Variants in PTPRD observed in about 807,000 individuals in gnomAD.
The protein encoded by PTPRD is receptor-type tyrosine-protein phosphatase delta.
Under a neutral mutation model 214.5 loss-of-function variants are expected in PTPRD, and 34 were observed. That is an observed-to-expected ratio of 0.16 (90% CI 0.12 to 0.21). The LOEUF (loss-of-function observed/expected upper bound fraction) is 0.21. PTPRD is among the 10% of genes least tolerant of loss of function. The pLI is 1.00. For synonymous variants in PTPRD, 1,128 were observed against 845.7 expected, an observed-to-expected ratio of 1.33 and a Z score of -5.79; for missense variants, 2,545 against 2,398.7, an observed-to-expected ratio of 1.06 and a Z score of -1.27.
intron 14 of PTPRD, among the ~76,000 whole-genome samples, chr9:8,572,145 TTC>T (rs2091317074): frequency 6.6e-6 from 1 of 152,104 alleles, no homozygotes; most frequent in Non-Finnish European, 1.5e-5. Context: ...AATAGGCAAG[TTC>T]TGAGTGTCAG....
intron 5 of PTPRD, among the ~76,000 whole-genome samples, chr9:9,807,474 G>T (rs1438409792): frequency 1.3e-5 from 2 of 152,094 alleles, no homozygotes; most frequent in African/African-American, 2.4e-5. Context: ...CAGAGAAAAG[G>T]CAATAGTAGT....
At chr9:8,395,044 G>GTCTT (rs2135952394) in intron 36 of PTPRD, among the ~76,000 whole-genome samples, 1 of 152,206 alleles carries the variant, frequency 6.6e-6, no homozygotes, top group Admixed American at 6.6e-5. Context: ...TCAGCTGAGC[G>GTCTT]TCTTACCCTG....
At chr9:9,307,613 C>A (rs1332894541) in intron 9 of PTPRD, among the ~76,000 whole-genome samples, 1 of 152,136 alleles carries the variant, frequency 6.6e-6, no homozygotes, top group East Asian at 1.9e-4. Context: ...CCCATTATTT[C>A]TTGACTACCC....
At chr9:9,441,270 T>C (rs530755681) in intron 8 of PTPRD, among the ~76,000 whole-genome samples, 27 of 152,260 alleles carry the variant, frequency 1.8e-4, no homozygotes, top group African/African-American at 6.3e-4. Context: ...CACCAGTTTC[T>C]AAGGCAGTGA....
chr9:8,345,440 C>T (rs748006338), intron 39 of PTPRD, among the ~76,000 whole-genome samples: 11 of 152,058 alleles, frequency 7.2e-5, no homozygotes, highest in South Asian at 4.1e-4. Context: ...GGTGACTTTC[C>T]TGTAGAGCGC....
At chr9:9,726,663 A>G (rs2098098201) in intron 7 of PTPRD, among the ~76,000 whole-genome samples, 1 of 152,224 alleles carries the variant, frequency 6.6e-6, no homozygotes, top group African/African-American at 2.4e-5. Flanking sequence ...ACTAGAAAAT[A>G]GAAATAATAT....
intron 5 of PTPRD, among the ~76,000 whole-genome samples, chr9:9,798,976 T>C (rs559255441): frequency 1.2e-4 from 18 of 152,322 alleles, no homozygotes; most frequent in Non-Finnish European, 1.2e-4. Flanking sequence ...TTTTGAAAGT[T>C]GGGACATTTT....
chr9:10,379,152 T>C (rs1055114400), intron 2 of PTPRD, among the ~76,000 whole-genome samples: 2 of 151,954 alleles, frequency 1.3e-5, no homozygotes, highest in African/African-American at 4.8e-5. Context: ...CTACTGATTT[T>C]TTTTAATTTT....
chr9:9,083,185 T>C (rs779952447), intron 10 of PTPRD, among the ~76,000 whole-genome samples: 29 of 152,140 alleles, frequency 1.9e-4, no homozygotes, highest in Non-Finnish European at 3.4e-4. Context: ...AACAGCATGA[T>C]ACTGGTACCA....
At chr9:9,250,426 A>G (rs149507766) in intron 9 of PTPRD, among the ~76,000 whole-genome samples, 26 of 152,220 alleles carry the variant, frequency 1.7e-4, no homozygotes, top group Admixed American at 9.2e-4. Context: ...GCAGCTTGAC[A>G]CAAGCTGTTA....
chr9:9,961,138 G>A (rs570137248), intron 4 of PTPRD, among the ~76,000 whole-genome samples: 1 of 152,094 alleles, frequency 6.6e-6, no homozygotes, highest in East Asian at 1.9e-4. Flanking sequence ...GATATCACTT[G>A]TATATACATA....
chr9:9,901,500 TATTAA>T (rs2076388230), intron 5 of PTPRD, among the ~76,000 whole-genome samples: 1 of 152,004 alleles, frequency 6.6e-6, no homozygotes, highest in African/African-American at 2.4e-5. Flanking sequence ...AAATAAAATA[TATTAA>T]ATATCTAAGA....
chr9:8,910,430 T>G (rs1037729785), intron 11 of PTPRD, among the ~76,000 whole-genome samples: 1 of 152,110 alleles, frequency 6.6e-6, no homozygotes, highest in East Asian at 1.9e-4. Flanking sequence ...CGCAAATGGA[T>G]TAATCCACTA....
intron 4 of PTPRD, among the ~76,000 whole-genome samples, chr9:10,026,135 C>T (rs891733583): frequency 2.0e-5 from 3 of 152,186 alleles, no homozygotes; most frequent in Non-Finnish European, 4.4e-5. Flanking sequence ...TAAATAACGA[C>T]CAGTCCAAGC....
chr9:10,066,256 C>A (rs1007559270), intron 3 of PTPRD, among the ~76,000 whole-genome samples: 2 of 151,558 alleles, frequency 1.3e-5, no homozygotes, highest in Admixed American at 6.6e-5. Context: ...AATAAAGCTT[C>A]ACAATTCTGA....
rs1011193657 is a variant in PTPRD at position 8,317,603 on chromosome 9, T to C, written c.*271A>G. The C allele has an allele frequency of 5.8e-5, 19 of 328,640 alleles. No homozygotes were observed. The highest frequency in any genetic ancestry group is 1.0e-4 in the African/African-American group (5 of 48,986). 20.4% of individuals were successfully genotyped at this position (328,640 alleles called of 1,614,324 possible). On this transcript the variant is annotated 3_prime_UTR_variant, in exon 46 of 46. Transcript: ENST00000381196. ...TTGCTGTGATTTCTTCTTCCCTTGA[T>C]TTTGAATCCTTGAGGTATCTGTAAA... is the stretch of plus-strand genomic sequence containing the variant.
chr9:9,135,485 A>G (rs1215952103), intron 10 of PTPRD, among the ~76,000 whole-genome samples: 1 of 152,144 alleles, frequency 6.6e-6, no homozygotes, highest in Non-Finnish European at 1.5e-5. Flanking sequence ...ACTTCTTCAC[A>G]TTGCTGTTGA....
chr9:10,055,991 A>C (rs1408397699), intron 3 of PTPRD, among the ~76,000 whole-genome samples: 1 of 151,552 alleles, frequency 6.6e-6, no homozygotes, highest in Non-Finnish European at 1.5e-5. Flanking sequence ...TTGTTTCTGC[A>C]CTGTAGTCTA....
chr9:8,373,015 C>T (rs1196247079), intron 39 of PTPRD, among the ~76,000 whole-genome samples: 3 of 151,936 alleles, frequency 2.0e-5, no homozygotes, highest in Admixed American at 6.6e-5. Context: ...ACACAAAATA[C>T]AGTATTCACC....
Sources: gnomAD v4.1 joint callset for allele counts (sites outside exome capture counted in the v4.1 genomes callset) on GRCh38, gnomAD v4.1.1 for gene constraint, MANE v1.5 for transcripts, NCBI Gene and HGNC (gene_info 2026-07-23, HGNC 2026-07-21) for gene names.